KHDRBS1: variants seen among roughly 807,000 people sequenced by gnomAD.
The protein encoded by KHDRBS1 is KH RNA binding domain containing, signal transduction associated 1, also known as KH domain-containing, RNA-binding, signal transduction-associated protein 1.
In KHDRBS1, 7 loss-of-function variants were observed where a neutral mutation model predicts 48.4. The observed-to-expected ratio is 0.14, with a 90% CI of 0.08 to 0.27. KHDRBS1 has a LOEUF of 0.27. Among genes scored for constraint, KHDRBS1 ranks in the 10% least tolerant of loss-of-function variants. KHDRBS1 has a pLI of 1.00. For missense variants in KHDRBS1, 458 were observed against 601.2 expected (o/e 0.76, Z 2.49); for synonymous variants, 241 against 235.8 (o/e 1.02, Z -0.20).
chr1:32,058,210 C>T (rs957683406), intron 10 of KHDRBS1, among the ~76,000 whole-genome samples: 19 of 151,656 alleles, frequency 1.3e-4, no homozygotes, highest in Non-Finnish European at 2.5e-4. Context: ...ACCTCAGCCT[C>T]CAGAGTAGCT....
chr1:32,044,047 G>T (rs556910311), downstream of KHDRBS1, among the ~76,000 whole-genome samples: 3 of 152,270 alleles, frequency 2.0e-5, no homozygotes, highest in South Asian at 6.2e-4. Context: ...TGATGGAGTT[G>T]TTAAGTTTTA....
intron 6 of KHDRBS1, chr1:32,038,251 A>C: frequency 1.4e-6 from 1 of 715,872 alleles, no homozygotes; most frequent in Non-Finnish European, 2.3e-6. Context: ...AAGAAATAAA[A>C]TGTACTTTAA....
At chr1:32,039,642 G>A (rs911458073) in intron 8 of KHDRBS1, 69 bp downstream of exon 8, 15 of 845,244 alleles carry the variant, frequency 1.8e-5, no homozygotes, top group Admixed American at 1.6e-4. Context: ...GGTGACTAAA[G>A]TATTGAGAGT....
chr1:32,031,802 ACTTGG>A (rs1163433344), intron 3 of KHDRBS1, among the ~76,000 whole-genome samples, 162 bp downstream of exon 3: 1 of 152,210 alleles, frequency 6.6e-6, no homozygotes, highest in African/African-American at 2.4e-5. Flanking sequence ...AAGTTAATTT[ACTTGG>A]CTTGGCAACC....
At chr1:32,030,540 C>G (rs1166668088) in intron 2 of KHDRBS1, 118 bp downstream of exon 2, 1 of 749,744 alleles carries the variant, frequency 1.3e-6, no homozygotes, top group Non-Finnish European at 2.0e-6. Context: ...TGTGAAGCTT[C>G]TCTTTCATGC....
intron 3 of KHDRBS1, among the ~76,000 whole-genome samples, chr1:32,032,936 C>T (rs1299989075): frequency 6.6e-6 from 1 of 152,218 alleles, no homozygotes; most frequent in Non-Finnish European, 1.5e-5. Context: ...GATCCTCCCG[C>T]GTCAGTCTCC....
chr1:32,047,996 C>T (rs925496612), downstream of KHDRBS1, among the ~76,000 whole-genome samples: 1 of 152,076 alleles, frequency 6.6e-6, no homozygotes, highest in African/African-American at 2.4e-5. Context: ...TTTGGTTCAT[C>T]CAGGTTATAG....
chr1:32,016,686 T>C (rs970627219), intron 1 of KHDRBS1, among the ~76,000 whole-genome samples: 1 of 152,190 alleles, frequency 6.6e-6, no homozygotes, highest in Non-Finnish European at 1.5e-5. Context: ...GCACTCTTCC[T>C]GTACCACCTA....
intron 1 of KHDRBS1, among the ~76,000 whole-genome samples, chr1:32,023,478 A>T (rs963842942): frequency 2.0e-5 from 3 of 152,212 alleles, no homozygotes; most frequent in African/African-American, 7.2e-5. Context: ...ATTGGATAAG[A>T]TATGATTATT....
In KHDRBS1 at chr1:32,039,495, ACT is replaced by A. The variant is rs1639243603; in HGVS notation, c.1176-17_1176-16del. 2.5e-6 allele frequency: 3 copies of A among 1,207,640 alleles called. No homozygotes were observed. The highest frequency in any genetic ancestry group is 3.7e-6 in the Non-Finnish European group (3 of 808,860). The allele number at this position is 1,207,640 out of a possible 1,614,324, so 74.8% of individuals were successfully genotyped here. A position where few individuals can be genotyped will look rare whatever the true frequency, so the allele number is the denominator to read the frequency against. ...CATAGTTACTCTGTAGCTTCCTAAC[ACT>A]CTGCCTTTGGCTTTCAGGGACTCAG... On this transcript the variant is annotated intron_variant, in intron 7 of 8. Coordinates refer to ENST00000327300, the MANE Select transcript of KHDRBS1 (RefSeq NM_006559.3).
intron 6 of KHDRBS1, 152 bp downstream of exon 6, chr1:32,038,188 T>C: frequency 8.0e-7 from 1 of 1,256,536 alleles, no homozygotes; most frequent in Non-Finnish European, 1.1e-6. Flanking sequence ...GTTGAACTAT[T>C]AGAAGATTTT....
rs891763419 is a variant in KHDRBS1 at position 32,042,329 on chromosome 1, C to G, written c.1235-198C>G. 5.9e-4 allele frequency among the ~76,000 whole-genome samples: 90 copies of G among 152,154 alleles called. 1 individual carries two copies. The highest frequency in any genetic ancestry group is 1.3e-4 in the Non-Finnish European group (9 of 68,042). On this transcript the variant is annotated intron_variant, in intron 8 of 8. Coordinates refer to ENST00000327300, the MANE Select transcript of KHDRBS1 (RefSeq NM_006559.3). ...CCTTTTTAGATTTGTTCCCTTCTGTCCTTCCACTCAAAACTGAAAAATTGC... is the reference window on the plus strand; with the variant it reads ...CCTTTTTAGATTTGTTCCCTTCTGTGCTTCCACTCAAAACTGAAAAATTGC...
chr1:32,030,139 C>A (rs917096819), intron 1 of KHDRBS1, among the ~76,000 whole-genome samples, 159 bp from the exon 2 acceptor site: 1 of 152,174 alleles, frequency 6.6e-6, no homozygotes, highest in Non-Finnish European at 1.5e-5. Context: ...TAGTCAACTT[C>A]ATATAGCTTT....
At chr1:32,044,196 T>C (rs545862346), downstream of KHDRBS1, among the ~76,000 whole-genome samples, 1 of 152,338 alleles carries the variant, frequency 6.6e-6, no homozygotes, top group East Asian at 1.9e-4. Flanking sequence ...TAGATAGGTC[T>C]CAGTATTTAA....
intron 5 of KHDRBS1, among the ~76,000 whole-genome samples, chr1:32,037,361 T>C (rs1474950877): frequency 6.6e-6 from 1 of 151,930 alleles, no homozygotes; most frequent in Admixed American, 6.6e-5. Flanking sequence ...AGAGAATTGC[T>C]TGAACCCAGG....
chr1:32,021,585 T>A (rs151082764), intron 1 of KHDRBS1, among the ~76,000 whole-genome samples: 2,645 of 152,222 alleles, frequency 0.017, 47 homozygotes, highest in Non-Finnish European at 0.024. Flanking sequence ...GTGAGTTGTT[T>A]AAGGGAAGTT....
At chr1:32,018,134 A>AATG (rs576426043) in intron 1 of KHDRBS1, among the ~76,000 whole-genome samples, 54 of 152,266 alleles carry the variant, frequency 3.5e-4, no homozygotes, top group Admixed American at 2.6e-3. Flanking sequence ...TTCCCAGTTC[A>AATG]TTCTACAGGG....
At chr1:32,029,387 G>A (rs1399311466) in intron 1 of KHDRBS1, among the ~76,000 whole-genome samples, 3 of 152,198 alleles carry the variant, frequency 2.0e-5, no homozygotes, top group African/African-American at 4.8e-5. Flanking sequence ...GCTGGGCGCG[G>A]TGGCTCACGC....
intron 1 of KHDRBS1, among the ~76,000 whole-genome samples, chr1:32,029,455 C>T (rs1487699607): frequency 6.6e-6 from 1 of 152,016 alleles, no homozygotes; most frequent in African/African-American, 2.4e-5. Flanking sequence ...GTCGGGAGTT[C>T]GAGACCAGCC....
Sources: allele counts gnomAD v4.1 joint callset (sites outside exome capture counted in the v4.1 genomes callset), GRCh38; gene constraint gnomAD v4.1.1; transcripts MANE v1.5; gene names NCBI Gene and HGNC (gene_info 2026-07-23, HGNC 2026-07-21).